The following CAB39 variants were observed in gnomAD, a reference collection of about 807,000 sequenced individuals.
The protein encoded by CAB39 is calcium binding protein 39.
A neutral mutation model predicts 40.0 loss-of-function variants in CAB39; 8 were observed. That is an observed-to-expected ratio of 0.20 (90% CI 0.12 to 0.36). The LOEUF (loss-of-function observed/expected upper bound fraction) is 0.36, where lower values mean the gene tolerates loss of function less well. CAB39 is among the 10% of genes least tolerant of loss of function. The pLI is 1.00. For missense variants in CAB39, 270 were observed against 401.1 expected, an observed-to-expected ratio of 0.67 and a Z score of 2.79; for synonymous variants, 156 against 141.6, an observed-to-expected ratio of 1.10 and a Z score of -0.72.
chr2:230,799,959 C>G (rs1040606994), intron 5 of CAB39, among the ~76,000 whole-genome samples: 1 of 151,658 alleles, frequency 6.6e-6, no homozygotes, highest in African/African-American at 2.4e-5. Flanking sequence ...CCATTGCACT[C>G]CAGCCTGGGC....
At chr2:230,783,713 G>T (rs965588396) in intron 2 of CAB39, among the ~76,000 whole-genome samples, 1 of 151,896 alleles carries the variant, frequency 6.6e-6, no homozygotes, top group African/African-American at 2.4e-5. Context: ...TGTTTTTCAG[G>T]CTGGTCTCGA....
intron 2 of CAB39, among the ~76,000 whole-genome samples, chr2:230,778,712 C>T (rs1695637003): frequency 1.3e-5 from 2 of 152,234 alleles, no homozygotes; most frequent in South Asian, 4.1e-4. Context: ...ATTTGAAGTC[C>T]TGTTACACGT....
At chr2:230,805,222 G>A (rs528924746) in intron 5 of CAB39, among the ~76,000 whole-genome samples, 11 of 152,048 alleles carry the variant, frequency 7.2e-5, no homozygotes, top group South Asian at 4.2e-4. Context: ...GACACAGGGC[G>A]GGGAACATCA....
Position 230,819,681 on chromosome 2 carries a change from C to G in CAB39, c.*977C>G, listed in dbSNP as rs1696472093. ...AGCATTAAAAGAAAAAGAAAGTAAA[C>G]CAGTCCTTTGTATTCAGTTACCTAA... On this transcript the variant is annotated 3_prime_UTR_variant, in exon 9 of 9. Transcript: ENST00000258418. 1 of 152,296 alleles carries G rather than the reference C, an allele frequency of 6.6e-6. No homozygotes were observed. Among genetic ancestry groups the G allele is most frequent in the Non-Finnish European group, 1.5e-5 (1 of 68,028 alleles). The allele number at this position is 152,296 out of a possible 1,614,324, so 9.4% of individuals were successfully genotyped here.
intron 3 of CAB39, among the ~76,000 whole-genome samples, chr2:230,791,900 C>T (rs1045456397): frequency 3.3e-5 from 5 of 152,164 alleles, no homozygotes; most frequent in African/African-American, 4.8e-5. Context: ...GTGGCATGGC[C>T]ATGCCTCTTT....
In CAB39 at chr2:230,725,464, C is replaced by T. The variant is rs568450140; in HGVS notation, c.-44+12234C>T. On this transcript the variant is annotated intron_variant, in intron 1 of 8. Transcript: ENST00000258418. The stretch of plus-strand genomic sequence containing the variant: ...AACGGTTCCTCCCGCCACCCGGCCA[C>T]TCCTGCGGATACCTCCCGTTTAATC... 5 of 1,381,170 alleles carry T rather than the reference C, an allele frequency of 3.6e-6. No homozygotes were observed. The African/African-American group carries it at 4.3e-5, about 12-fold the overall frequency. The allele number at this position is 1,381,170 out of a possible 1,614,324, so 85.6% of individuals were successfully genotyped here. A position where few individuals can be genotyped will look rare whatever the true frequency, so the allele number is the denominator to read the frequency against.
chr2:230,766,652 C>T (rs920680991), intron 2 of CAB39, among the ~76,000 whole-genome samples: 1 of 152,224 alleles, frequency 6.6e-6, no homozygotes, highest in African/African-American at 2.4e-5. Flanking sequence ...CCTCAGCCTG[C>T]CAAGTAGCTG....
At position 230,749,490 on chromosome 2, in the gene CAB39, A is replaced by T. The variant is rs59617173; in HGVS notation, c.-43-10469A>T. ...AATACTTAACCTTAGAAAAATATAA[A>T]TATCAATTCATGTTCTCACTACCCA... On this transcript the variant is annotated intron_variant, in intron 1 of 8. Transcript: ENST00000258418. Among the ~76,000 whole-genome samples the T allele has an allele frequency of 7.4e-3, 1,124 of 152,314 alleles. 12 individuals are homozygous for T. Among genetic ancestry groups the T allele is most frequent in the African/African-American group, 0.025 (1,047 of 41,544 alleles).
chr2:230,761,712 G>T (rs1390597486), intron 2 of CAB39, among the ~76,000 whole-genome samples: 1 of 152,034 alleles, frequency 6.6e-6, no homozygotes, highest in Non-Finnish European at 1.5e-5. Context: ...GGTATGTGCT[G>T]CTGGCTGATC....
At chr2:230,725,466 C>T in intron 1 of CAB39, 5 of 1,315,936 alleles carry the variant, frequency 3.8e-6, no homozygotes, top group Non-Finnish European at 5.4e-6. Flanking sequence ...CCCGGCCACT[C>T]CTGCGGATAC....
chr2:230,741,372 A>G (rs969321121), intron 1 of CAB39, among the ~76,000 whole-genome samples: 6 of 152,218 alleles, frequency 3.9e-5, no homozygotes, highest in African/African-American at 1.4e-4. Flanking sequence ...ACACAAGGAT[A>G]CAGGTCTACT....
At chr2:230,817,075 T>C (rs1032807906) in intron 7 of CAB39, among the ~76,000 whole-genome samples, 31 of 152,234 alleles carry the variant, frequency 2.0e-4, no homozygotes, top group African/African-American at 7.5e-4. Flanking sequence ...TTATATGATA[T>C]AACCAACTCT....
intron 1 of CAB39, among the ~76,000 whole-genome samples, chr2:230,730,440 CTTTTCT>C (rs1277814879): frequency 9.2e-5 from 11 of 118,988 alleles, no homozygotes; most frequent in African/African-American, 2.9e-4. Context: ...TAGAAGAAAA[CTTTTCT>C]TTTTTTTTTT....
intron 1 of CAB39, among the ~76,000 whole-genome samples, chr2:230,733,345 G>T (rs762341992): frequency 6.6e-6 from 1 of 151,970 alleles, no homozygotes; most frequent in Non-Finnish European, 1.5e-5. Flanking sequence ...TAAGGCTGTC[G>T]TATCAGGTCC....
At chr2:230,811,710 C>A (rs1194648990) in intron 6 of CAB39, among the ~76,000 whole-genome samples, 1 of 152,204 alleles carries the variant, frequency 6.6e-6, no homozygotes, top group Non-Finnish European at 1.5e-5. Context: ...TAGATAAGAA[C>A]GTGTATGTGA....
intron 2 of CAB39, among the ~76,000 whole-genome samples, chr2:230,773,885 G>A (rs987810875): frequency 6.6e-6 from 1 of 152,164 alleles, no homozygotes; most frequent in African/African-American, 2.4e-5. Context: ...TCAGAAGACA[G>A]CAAGTTTTCT....
rs774520488 is a variant in CAB39, at chr2:230,791,030, C to G, written c.273C>G (p.Asp91Glu). 1.3e-6 allele frequency: 2 copies of G among 1,578,364 alleles called. No individual in the cohort carries two copies. The highest frequency in any genetic ancestry group is 1.7e-6 in the Non-Finnish European group (2 of 1,167,808). Residue 91 changes from aspartate to glutamate, a missense_variant, in exon 3 of 9, where the codon GAC (aspartate) becomes GAG (glutamate). Asp to Glu is a conservative substitution (Grantham distance 45). Coordinates refer to ENST00000258418, the MANE Select transcript of CAB39 (RefSeq NM_016289.4). ...STLVADLQLI[D>E]FEGKKDVAQI... ...TGGTAGCTGATTTACAGCTCATTGACTTTGAGGTAAGAAATCAATTTCTTA... is the reference window on the plus strand; with the variant it reads ...TGGTAGCTGATTTACAGCTCATTGAGTTTGAGGTAAGAAATCAATTTCTTA...
At chr2:230,779,945 T>C (rs916227260) in intron 2 of CAB39, among the ~76,000 whole-genome samples, 1 of 152,150 alleles carries the variant, frequency 6.6e-6, no homozygotes, top group Non-Finnish European at 1.5e-5. Flanking sequence ...AGAGAAGGAA[T>C]GTAGATGACA....
At chr2:230,745,989 T>C (rs780915142) in intron 1 of CAB39, among the ~76,000 whole-genome samples, 10 of 152,332 alleles carry the variant, frequency 6.6e-5, no homozygotes, top group Non-Finnish European at 1.0e-4. Flanking sequence ...CTTTTCATGT[T>C]TATTTGACTC....
Sources: gnomAD v4.1 joint callset for allele counts (sites outside exome capture counted in the v4.1 genomes callset) on GRCh38, gnomAD v4.1.1 for gene constraint, MANE v1.5 for transcripts, NCBI Gene and HGNC (gene_info 2026-07-23, HGNC 2026-07-21) for gene names.